MTMR7: variants seen among roughly 807,000 people sequenced by gnomAD.
MTMR7 encodes myotubularin related protein 7, also known as phosphatidylinositol-3-phosphate phosphatase MTMR7.
A neutral mutation model predicts 81.2 loss-of-function variants in MTMR7; 76 were observed. That is an observed-to-expected ratio of 0.94 (90% confidence interval 0.78 to 1.13). MTMR7 has a LOEUF of 1.13. Ranked by LOEUF, MTMR7 falls within the 50% of genes most tolerant of loss-of-function variation. The probability of loss-of-function intolerance (pLI) is 0.00; values close to 1 mark genes in which losing one functional copy is unlikely to be tolerated. For synonymous variants in MTMR7, 372 were observed against 289.8 expected, an observed-to-expected ratio of 1.28 and a Z score of -2.88; for missense variants, 1,044 against 820.0, an observed-to-expected ratio of 1.27 and a Z score of -3.34.
intron 12 of MTMR7, among the ~76,000 whole-genome samples, chr8:17,303,430 G>T (rs569644056): frequency 1.3e-5 from 2 of 152,288 alleles, no homozygotes; most frequent in South Asian, 4.1e-4. Flanking sequence ...TGAGTAGGAA[G>T]AAAGAGATGG....
intron 1 of MTMR7, among the ~76,000 whole-genome samples, chr8:17,395,495 A>C (rs570162767): frequency 6.6e-6 from 1 of 152,330 alleles, no homozygotes; most frequent in East Asian, 1.9e-4. Flanking sequence ...AAACTACCAA[A>C]GGGTTTTCCA....
Position 17,298,054 on chromosome 8 carries a change from A to ATTGT in MTMR7, c.*1804_*1807dup, listed in dbSNP as rs1207789639. On this transcript the variant is annotated 3_prime_UTR_variant, in exon 14 of 14. Transcript: ENST00000180173. ...CTTTGTCATTTTTTAAAAAATGTTT[A>ATTGT]TTGTTTTTATAGACATACACTGTCA... 6.6e-6 allele frequency: 1 copy of ATTGT among 151,976 alleles called. No homozygotes were observed. Among genetic ancestry groups the ATTGT allele is most frequent in the Non-Finnish European group, 1.5e-5 (1 of 67,864 alleles). The allele number at this position is 151,976 out of a possible 1,614,324, so 9.4% of individuals were successfully genotyped here. A position where few individuals can be genotyped will look rare whatever the true frequency, so the allele number is the denominator to read the frequency against.
At chr8:17,304,329 C>G in intron 12 of MTMR7, 50 bp downstream of exon 12, 1 of 1,587,292 alleles carries the variant, frequency 6.3e-7, no homozygotes, top group Non-Finnish European at 8.6e-7. Context: ...TAAACGGTAC[C>G]AGAATCCAAG....
At chr8:17,325,394 G>A (rs1818631090) in intron 7 of MTMR7, among the ~76,000 whole-genome samples, 1 of 152,170 alleles carries the variant, frequency 6.6e-6, no homozygotes, top group South Asian at 2.1e-4. Context: ...GAACAGATCG[G>A]GTATCATCTC....
At chr8:17,408,319 G>T (rs1436749809) in intron 1 of MTMR7, among the ~76,000 whole-genome samples, 1 of 63,168 alleles carries the variant, frequency 1.6e-5, no homozygotes, top group Non-Finnish European at 4.9e-5. Flanking sequence ...AACCCGGGAG[G>T]CGGAGCTTGC....
Position 17,379,398 on chromosome 8 carries a change from C to T in MTMR7, c.25-6158G>A, listed in dbSNP as rs533747571. On this transcript the variant is annotated intron_variant, in intron 1 of 13. Coordinates refer to ENST00000180173, the MANE Select transcript of MTMR7 (RefSeq NM_004686.5). ...GTTAGCTTTTCAGAAGCAACTGGCA[C>T]GTCAAGACATTTGAAGGAAAGATGC... 4.6e-5 allele frequency among the ~76,000 whole-genome samples: 7 copies of T among 152,248 alleles called. No individual in the cohort carries two copies. In the East Asian group the frequency reaches 1.2e-3, roughly 25 times the overall value.
intron 6 of MTMR7, among the ~76,000 whole-genome samples, chr8:17,340,904 A>C (rs567561441): frequency 2.0e-5 from 3 of 152,158 alleles, no homozygotes; most frequent in Admixed American, 1.3e-4. Context: ...AATTTACCTT[A>C]TATTTTATAG....
At chr8:17,403,043 T>G (rs146372010) in intron 1 of MTMR7, among the ~76,000 whole-genome samples, 3,201 of 152,332 alleles carry the variant, frequency 0.021, 62 homozygotes, top group Middle Eastern at 0.079. Context: ...TTTGTATGTC[T>G]TCCTTTGAGA....
chr8:17,336,949 C>A (rs1819259167), intron 6 of MTMR7, among the ~76,000 whole-genome samples: 1 of 152,134 alleles, frequency 6.6e-6, no homozygotes, highest in African/African-American at 2.4e-5. Flanking sequence ...GGATGTGAAT[C>A]CTGGAATGTA....
chr8:17,340,193 T>G (rs1281772690), intron 6 of MTMR7, among the ~76,000 whole-genome samples: 1 of 152,242 alleles, frequency 6.6e-6, no homozygotes, highest in Non-Finnish European at 1.5e-5. Flanking sequence ...CCTCAGATGA[T>G]CCACCTGCCT....
In MTMR7 at chr8:17,311,606, C is replaced by G. The variant is rs1165993688; in HGVS notation, c.1006G>C (p.Val336Leu). The G allele has an allele frequency of 6.2e-7, 1 of 1,614,140 alleles. No individual in the cohort carries two copies. The highest frequency in any genetic ancestry group is 2.2e-5 in the East Asian group (1 of 44,876). Residue 336 changes from valine to leucine, a missense_variant, in exon 9 of 14, where the codon GTT (valine) becomes CTT (leucine). Transcript: ENST00000180173. ...CTGTCCCAGCCATCAGAACAGTGAA[C>G]AAGCACACTTGCCCCTTCCTCTGAC... ...AVSEEGASVL[V>L]HCSDGWDRTA... is the part of the protein sequence containing the mutation.
At chr8:17,324,006 C>T (rs940868594) in intron 7 of MTMR7, among the ~76,000 whole-genome samples, 2 of 152,178 alleles carry the variant, frequency 1.3e-5, no homozygotes, top group Non-Finnish European at 2.9e-5. Context: ...CTACTATTCT[C>T]TCATTAAATA....
At chr8:17,346,398 T>C (rs775752678) in intron 5 of MTMR7, among the ~76,000 whole-genome samples, 2 of 152,122 alleles carry the variant, frequency 1.3e-5, no homozygotes, top group Non-Finnish European at 2.9e-5. Flanking sequence ...CTTCAGGTTG[T>C]TTCTGCTTTA....
chr8:17,345,506 G>A (rs1201917480), intron 5 of MTMR7, among the ~76,000 whole-genome samples: 2 of 152,214 alleles, frequency 1.3e-5, no homozygotes, highest in Admixed American at 1.3e-4. Context: ...CCTTGGCAGT[G>A]AGTATATGTG....
intron 4 of MTMR7, among the ~76,000 whole-genome samples, chr8:17,355,385 T>C (rs755906763): frequency 6.6e-6 from 1 of 152,158 alleles, no homozygotes; most frequent in Non-Finnish European, 1.5e-5. Flanking sequence ...TTCAGTGTCA[T>C]GGAAGTGTCC....
At chr8:17,374,950 G>A (rs768330345) in intron 1 of MTMR7, among the ~76,000 whole-genome samples, 41 of 152,198 alleles carry the variant, frequency 2.7e-4, no homozygotes, top group African/African-American at 7.2e-4. Flanking sequence ...TTAGCCAGGC[G>A]TGGTGCCCGG....
intron 1 of MTMR7, among the ~76,000 whole-genome samples, chr8:17,408,978 AT>A (rs1821670348): frequency 1.3e-5 from 2 of 152,140 alleles, no homozygotes; most frequent in South Asian, 4.1e-4. Context: ...CATTATTTGA[AT>A]TTTATCTCAT....
chr8:17,382,358 C>T (rs143016791), intron 1 of MTMR7, among the ~76,000 whole-genome samples: 264 of 152,288 alleles, frequency 1.7e-3, no homozygotes, highest in African/African-American at 5.4e-3. Context: ...TTCCCCATCT[C>T]GAGCTCTTCT....
intron 2 of MTMR7, among the ~76,000 whole-genome samples, chr8:17,372,154 A>G (rs553651570): frequency 3.3e-5 from 5 of 152,308 alleles, no homozygotes; most frequent in African/African-American, 1.2e-4. Flanking sequence ...TCAGTCTTCA[A>G]TAGCAGCATT....
Sources: allele counts gnomAD v4.1 joint callset (sites outside exome capture counted in the v4.1 genomes callset), GRCh38; gene constraint gnomAD v4.1.1; transcripts MANE v1.5; gene names NCBI Gene and HGNC (gene_info 2026-07-23, HGNC 2026-07-21).